The following AKAP5 variants were observed in gnomAD, a reference collection of about 807,000 sequenced individuals.
AKAP5 encodes A-kinase anchor protein 5.
AKAP5 carries 5 observed loss-of-function variants against 13.8 expected under a neutral mutation model. The ratio of observed to expected loss-of-function variants is 0.36; its 90% CI spans 0.19 to 0.76. The LOEUF is 0.76. Ranked by LOEUF, AKAP5 falls within the 30% of genes least tolerant of loss-of-function variation. The pLI, the probability that AKAP5 is intolerant of heterozygous loss-of-function variation, is 0.51. For missense variants in AKAP5, 406 were observed against 484.4 expected (o/e 0.84, Z 1.52); for synonymous variants, 148 against 167.2 (o/e 0.89, Z 0.89).
chr14:64,470,552 T>C lies in AKAP5; in HGVS notation c.*874T>C, dbSNP rs2078659018. 6.7e-6 allele frequency: 1 copy of C among 150,088 alleles called. No individual in the cohort carries two copies. Among genetic ancestry groups the C allele is most frequent in the Non-Finnish European group, 1.5e-5 (1 of 66,720 alleles). The allele number at this position is 150,088 out of a possible 1,614,324, so 9.3% of individuals were successfully genotyped here. A position where few individuals can be genotyped will look rare whatever the true frequency, so the allele number is the denominator to read the frequency against. On this transcript the variant is annotated 3_prime_UTR_variant, in exon 2 of 2. Transcript: ENST00000394718. ...TTGCAGGGAGCCAAGATTGCACCAC[T>C]GCACTCCAGTCTGGGCAACAGAGCG...
chr14:64,466,633 G>A (rs2078616025), intron 1 of AKAP5, among the ~76,000 whole-genome samples: 1 of 152,118 alleles, frequency 6.6e-6, no homozygotes, highest in Admixed American at 6.5e-5. Flanking sequence ...TTCTGTTAGA[G>A]GCACACAGTA....
In AKAP5 at chr14:64,469,010, GGAGA is replaced by G; in HGVS notation, c.619_622del (p.Glu207LysfsTer2). ...AAATGTGAGCAATAGCACAACTTCT[GGAGA>G]GAAAGTGATTTCAGTAGAACTTGGA... On this transcript the variant is annotated frameshift_variant, in exon 2 of 2. Transcript: ENST00000394718. LOFTEE classifies it low-confidence loss of function (END_TRUNC). The G allele has an allele frequency of 6.2e-7, 1 of 1,614,176 alleles. No individual in the cohort carries two copies. Among genetic ancestry groups the G allele is most frequent in the Non-Finnish European group, 8.5e-7 (1 of 1,180,026 alleles).
chr14:64,467,160 GACGAA>G (rs2078620617), intron 1 of AKAP5: 1 of 152,112 alleles, frequency 6.6e-6, no homozygotes, highest in Non-Finnish European at 1.5e-5. Context: ...TTCATTTTCT[GACGAA>G]ACTCTTAAAG....
At position 64,470,764 on chromosome 14, in the gene AKAP5, A is replaced by C. The variant is rs536324546; in HGVS notation, c.*1086A>C. On this transcript the variant is annotated 3_prime_UTR_variant, in exon 2 of 2. Coordinates refer to ENST00000394718, the MANE Select transcript of AKAP5 (RefSeq NM_004857.3). ...TGGATTTATCTGTGAAAAGTTAAAA[A>C]ATGAAACAGCAAAAACAAAACAAGG... is the stretch of plus-strand genomic sequence containing the variant. 2.4e-5 allele frequency: 4 copies of C among 167,160 alleles called. No individual in the cohort carries two copies. The South Asian group carries it at 8.3e-4, about 35-fold the overall frequency. The allele number at this position is 167,160 out of a possible 1,614,324, so 10.4% of individuals were successfully genotyped here. A position where few individuals can be genotyped will look rare whatever the true frequency, so the allele number is the denominator to read the frequency against.
In AKAP5 at chr14:64,471,115, G is replaced by T. The variant is rs947369927; in HGVS notation, c.*1437G>T. ...GAGACCAGTAAAAAGCATTTTACAT[G>T]AATATTGAAAGTTAACTTTTTCATC... On this transcript the variant is annotated 3_prime_UTR_variant, in exon 2 of 2. Coordinates refer to ENST00000394718, the MANE Select transcript of AKAP5 (RefSeq NM_004857.3). 1.2e-5 allele frequency: 2 copies of T among 166,220 alleles called. No homozygotes were observed. Among genetic ancestry groups the T allele is most frequent in the African/African-American group, 4.9e-5 (2 of 41,222 alleles). The allele number at this position is 166,220 out of a possible 1,614,324, so 10.3% of individuals were successfully genotyped here.
intron 1 of AKAP5, chr14:64,467,713 G>C (rs2078625769): frequency 6.6e-6 from 1 of 151,926 alleles, no homozygotes; most frequent in Admixed American, 6.6e-5. Flanking sequence ...GGCTGGATTT[G>C]AGTAATCTCA....
intron 1 of AKAP5, among the ~76,000 whole-genome samples, chr14:64,466,381 T>C (rs2078613692): frequency 6.6e-6 from 1 of 152,242 alleles, no homozygotes; most frequent in African/African-American, 2.4e-5. Flanking sequence ...CAAACGATTG[T>C]CTTTGCGCAA....
chr14:64,469,732 T>C lies in AKAP5; in HGVS notation c.*54T>C. 1.6e-6 allele frequency: 2 copies of C among 1,281,878 alleles called. No individual in the cohort carries two copies. The highest frequency in any genetic ancestry group is 2.1e-6 in the Non-Finnish European group (2 of 931,974). The allele number at this position is 1,281,878 out of a possible 1,614,324, so 79.4% of individuals were successfully genotyped here. ...ACAAGCTTAATGAAGAATTCTTTTA[T>C]ACATTTGTGGCATTTCTTACTCAGT... is the stretch of plus-strand genomic sequence containing the variant. On this transcript the variant is annotated 3_prime_UTR_variant, in exon 2 of 2. Transcript: ENST00000394718.
In AKAP5 at chr14:64,469,981, G is replaced by A; in HGVS notation, c.*303G>A. 4.0e-6 allele frequency: 1 copy of A among 247,106 alleles called. No homozygotes were observed. Among genetic ancestry groups the A allele is most frequent in the Non-Finnish European group, 8.2e-6 (1 of 121,310 alleles). The allele number at this position is 247,106 out of a possible 1,614,324, so 15.3% of individuals were successfully genotyped here. A position where few individuals can be genotyped will look rare whatever the true frequency, so the allele number is the denominator to read the frequency against. ...TTTGGGGGAGGAAGGTGTATTTATTGAGCACTTATGGTATGCCATAAGCTT... is the reference window on the plus strand; with the variant it reads ...TTTGGGGGAGGAAGGTGTATTTATTAAGCACTTATGGTATGCCATAAGCTT... On this transcript the variant is annotated 3_prime_UTR_variant, in exon 2 of 2. Coordinates refer to ENST00000394718, the MANE Select transcript of AKAP5 (RefSeq NM_004857.3).
chr14:64,468,364 G>C lies in AKAP5; in HGVS notation c.-31G>C. The C allele has an allele frequency of 6.5e-7, 1 of 1,545,878 alleles. No homozygotes were observed. The highest frequency in any genetic ancestry group is 1.3e-5 in the South Asian group (1 of 78,852). ...AGGCTGCTAAGGAAGAGAGAATACA[G>C]TTTTCTAGAGAATAAGAGTGCAGTG... On this transcript the variant is annotated 5_prime_UTR_variant, in exon 2 of 2. Coordinates refer to ENST00000394718, the MANE Select transcript of AKAP5 (RefSeq NM_004857.3).
rs1164320953 is a variant in AKAP5 at position 64,465,544 on chromosome 14, C to A, written c.-333C>A. 6.6e-6 allele frequency: 1 copy of A among 152,118 alleles called. No individual in the cohort carries two copies. Among genetic ancestry groups the A allele is most frequent in the Non-Finnish European group, 1.5e-5 (1 of 68,016 alleles). 9.4% of individuals were successfully genotyped at this position (152,118 alleles called of 1,614,324 possible). A position where few individuals can be genotyped will look rare whatever the true frequency, so the allele number is the denominator to read the frequency against. The stretch of plus-strand genomic sequence containing the variant: ...GGTGCGACCGCGGCTCCCTGGAGGC[C>A]TGGGCGGCGGGCCCCGCGAGCGCGC... On this transcript the variant is annotated 5_prime_UTR_variant, in exon 1 of 2. The change creates a new upstream start codon in the 5' untranslated region. Transcript: ENST00000394718.
intron 1 of AKAP5, chr14:64,467,478 CTAATT>C (rs1410627674): frequency 6.6e-6 from 1 of 152,092 alleles, no homozygotes; most frequent in East Asian, 1.9e-4. Context: ...AATTGTACAA[CTAATT>C]TAAGAGTGGG....
rs183215093 is a variant in AKAP5, at chr14:64,472,460, A to T, written c.*2782A>T. On this transcript the variant is annotated 3_prime_UTR_variant, in exon 2 of 2. Transcript: ENST00000394718. Reference sequence around the variant, plus strand: ...AATGAATTTTTTGGTTAAGAAAGTAAAATTTTATCTAATACTAGGTTTTTA... The same window carrying T: ...AATGAATTTTTTGGTTAAGAAAGTATAATTTTATCTAATACTAGGTTTTTA... The T allele has an allele frequency of 2.5e-4, 42 of 167,126 alleles. No individual in the cohort carries two copies. The highest frequency in any genetic ancestry group is 9.4e-4 in the African/African-American group (39 of 41,578). 10.4% of individuals were successfully genotyped at this position (167,126 alleles called of 1,614,324 possible).
In AKAP5 at chr14:64,472,036, G is replaced by A. The variant is rs1391177581; in HGVS notation, c.*2358G>A. On this transcript the variant is annotated 3_prime_UTR_variant, in exon 2 of 2. Coordinates refer to ENST00000394718, the MANE Select transcript of AKAP5 (RefSeq NM_004857.3). The stretch of plus-strand genomic sequence containing the variant: ...TCATGCTTATAATCCGGGGAGGAGG[G>A]TGGAAATCCTGAGCAAGATGAAAAG... 1.2e-5 allele frequency: 2 copies of A among 166,412 alleles called. No individual in the cohort carries two copies. Among genetic ancestry groups the A allele is most frequent in the Non-Finnish European group, 2.9e-5 (2 of 68,096 alleles). The allele number at this position is 166,412 out of a possible 1,614,324, so 10.3% of individuals were successfully genotyped here.
Position 64,472,429 on chromosome 14 carries a change from A to C in AKAP5, c.*2751A>C, listed in dbSNP as rs992690261. 1 of 167,076 alleles carries C rather than the reference A, an allele frequency of 6.0e-6. No individual in the cohort carries two copies. The highest frequency in any genetic ancestry group is 1.9e-4 in the East Asian group (1 of 5,208). The allele number at this position is 167,076 out of a possible 1,614,324, so 10.3% of individuals were successfully genotyped here. A position where few individuals can be genotyped will look rare whatever the true frequency, so the allele number is the denominator to read the frequency against. On this transcript the variant is annotated 3_prime_UTR_variant, in exon 2 of 2. Transcript: ENST00000394718. ...TTAAAAAAACAGATAAATGGTAAAT[A>C]TGTGCAATGAATTTTTTGGTTAAGA...
rs1182257094 is a variant in AKAP5 at position 64,473,858 on chromosome 14, C to G, written c.*4180C>G. 3 of 166,822 alleles carry G rather than the reference C, an allele frequency of 1.8e-5. No individual in the cohort carries two copies. 10.3% of individuals were successfully genotyped at this position (166,822 alleles called of 1,614,324 possible). ...TGTTTTATTGGGTAACATGAACTCT[C>G]TTATACATAATTCAAAATTTCAATC... On this transcript the variant is annotated 3_prime_UTR_variant, in exon 2 of 2. Coordinates refer to ENST00000394718, the MANE Select transcript of AKAP5 (RefSeq NM_004857.3).
rs546427683 is a variant in AKAP5, at chr14:64,473,414, A to C, written c.*3736A>C. The C allele has an allele frequency of 1.8e-5, 3 of 167,142 alleles. No homozygotes were observed. Among genetic ancestry groups the C allele is most frequent in the African/African-American group, 7.2e-5 (3 of 41,568 alleles). 10.4% of individuals were successfully genotyped at this position (167,142 alleles called of 1,614,324 possible). The stretch of plus-strand genomic sequence containing the variant: ...GTCTACTACTCAGCGGAGTCTTAGA[A>C]TCTCTTTTATTTACTTCTGAGAGAT... On this transcript the variant is annotated 3_prime_UTR_variant, in exon 2 of 2. Coordinates refer to ENST00000394718, the MANE Select transcript of AKAP5 (RefSeq NM_004857.3).
chr14:64,472,091 C>A lies in AKAP5; in HGVS notation c.*2413C>A, dbSNP rs2078678793. On this transcript the variant is annotated 3_prime_UTR_variant, in exon 2 of 2. Transcript: ENST00000394718. Reference sequence around the variant, plus strand: ...ATTCAAAACACATGACCCAAGAAGTCAATTTCTTTTAATTGTACAACTTTT... The same window carrying A: ...ATTCAAAACACATGACCCAAGAAGTAAATTTCTTTTAATTGTACAACTTTT... The A allele has an allele frequency of 6.0e-6, 1 of 166,880 alleles. No individual in the cohort carries two copies. 10.3% of individuals were successfully genotyped at this position (166,880 alleles called of 1,614,324 possible). A position where few individuals can be genotyped will look rare whatever the true frequency, so the allele number is the denominator to read the frequency against.
At position 64,469,272 on chromosome 14, in the gene AKAP5, A is replaced by T. The variant is rs929068664; in HGVS notation, c.878A>T (p.Asp293Val). 1.2e-6 allele frequency: 2 copies of T among 1,613,552 alleles called. No homozygotes were observed. The highest frequency in any genetic ancestry group is 2.7e-5 in the African/African-American group (2 of 74,870). Residue 293 changes from aspartate to valine, a missense_variant, in exon 2 of 2, where the codon GAC (aspartate) becomes GTC (valine). Physicochemically the swap from Asp to Val is radical, Grantham distance 152 (BLOSUM62 -3). Coordinates refer to ENST00000394718, the MANE Select transcript of AKAP5 (RefSeq NM_004857.3). ...CTAGAAAGTGCACCAAATGGAAAAG[A>T]CTATGAAAGTACAGAGATTGTAGCT... ...STLESAPNGK[D>V]YESTEIVAEE...
Sources: gnomAD v4.1 joint callset for allele counts (sites outside exome capture counted in the v4.1 genomes callset) on GRCh38, gnomAD v4.1.1 for gene constraint, MANE v1.5 for transcripts, NCBI Gene and HGNC (gene_info 2026-07-23, HGNC 2026-07-21) for gene names.